The following SEMA3A variants were observed in gnomAD, a reference collection of about 807,000 sequenced individuals.
SEMA3A encodes the protein semaphorin 3A.
SEMA3A carries 29 observed loss-of-function variants against 97.9 expected under a neutral mutation model. The ratio of observed to expected loss-of-function variants is 0.30; its 90% CI spans 0.22 to 0.40. The LOEUF is 0.40. SEMA3A is among the 10% of genes least tolerant of loss of function. The probability of loss-of-function intolerance (pLI) is 1.00; values close to 1 mark genes in which losing one functional copy is unlikely to be tolerated. For missense variants in SEMA3A, 763 were observed against 951.3 expected (o/e 0.80, Z 2.60); for synonymous variants, 321 against 323.7 (o/e 0.99, Z 0.09).
chr7:84,458,675 T>C (rs551603158), intron 1 of SEMA3A, among the ~76,000 whole-genome samples: 5 of 152,090 alleles, frequency 3.3e-5, no homozygotes, highest in Non-Finnish European at 7.4e-5. Flanking sequence ...GAAATCATTA[T>C]TGCTTATTGA....
At chr7:84,244,346 C>T (rs759460314) in intron 3 of SEMA3A, among the ~76,000 whole-genome samples, 2 of 152,026 alleles carry the variant, frequency 1.3e-5, no homozygotes, top group South Asian at 4.2e-4. Flanking sequence ...CTATATAATG[C>T]CCGTCTTTGT....
intron 2 of SEMA3A, among the ~76,000 whole-genome samples, chr7:84,367,091 T>A (rs909752890): frequency 1.9e-4 from 29 of 151,368 alleles, no homozygotes; most frequent in African/African-American, 6.5e-4. Flanking sequence ...TGAATCTGAT[T>A]CATAGACAGT....
intron 2 of SEMA3A, among the ~76,000 whole-genome samples, chr7:84,313,518 T>A (rs1265833133): frequency 6.7e-6 from 1 of 150,342 alleles, no homozygotes; most frequent in African/African-American, 2.4e-5. Flanking sequence ...ATTCTAAAAT[T>A]ATTTGCAGTA....
intron 3 of SEMA3A, among the ~76,000 whole-genome samples, chr7:84,117,263 A>T (rs1321579815): frequency 6.6e-6 from 1 of 152,150 alleles, no homozygotes; most frequent in Non-Finnish European, 1.5e-5. Context: ...AAATTTATTT[A>T]TGTTTAGTGA....
chr7:84,062,677 C>T (rs988561290), intron 4 of SEMA3A, among the ~76,000 whole-genome samples: 3 of 152,268 alleles, frequency 2.0e-5, no homozygotes, highest in Non-Finnish European at 4.4e-5. Context: ...CTGGAAAATC[C>T]GGTCACTCCC....
chr7:84,313,356 GTATATATATATATATATATA>G lies in SEMA3A; in HGVS notation c.-168-6084_-168-6065del, dbSNP rs869145201. On this transcript the variant is annotated intron_variant, in intron 2 of 3. Transcript: ENST00000424555. ...TATATATATATGTATATGTGTGTGT[GTATATATATATATATATATA>G]TATATATATATATATATATATATAT... is the stretch of plus-strand genomic sequence containing the variant. Among the ~76,000 whole-genome samples the G allele has an allele frequency of 3.5e-3, 80 of 23,048 alleles. 1 individual carries two copies. Among genetic ancestry groups the G allele is most frequent in the East Asian group, 0.023 (12 of 514 alleles). The allele number at this position is 23,048 out of a possible 152,430, so 15.1% of individuals were successfully genotyped here.
intron 3 of SEMA3A, among the ~76,000 whole-genome samples, chr7:84,255,414 C>T (rs1031720752): frequency 1.3e-5 from 2 of 152,062 alleles, no homozygotes; most frequent in Non-Finnish European, 2.9e-5. Context: ...TCTTTCATAG[C>T]CAGACTTCTT....
chr7:84,202,745 G>A (rs375608093), intron 3 of SEMA3A, among the ~76,000 whole-genome samples: 3 of 151,994 alleles, frequency 2.0e-5, no homozygotes, highest in Admixed American at 6.5e-5. Flanking sequence ...ATGTTTAGGC[G>A]CCAGTCTTTG....
intron 4 of SEMA3A, among the ~76,000 whole-genome samples, chr7:84,084,758 C>CT (rs1361362513): frequency 6.6e-6 from 1 of 151,994 alleles, no homozygotes; most frequent in African/African-American, 2.4e-5. Flanking sequence ...ACGCAAAGCA[C>CT]TTTTTTATAG....
chr7:83,964,630 A>G (rs961435986), intron 15 of SEMA3A, among the ~76,000 whole-genome samples: 1 of 152,204 alleles, frequency 6.6e-6, no homozygotes, highest in Non-Finnish European at 1.5e-5. Flanking sequence ...CAGAGGTGTC[A>G]ACCTCAGTGC....
At chr7:84,457,539 A>G (rs959025754) in intron 1 of SEMA3A, among the ~76,000 whole-genome samples, 4 of 151,978 alleles carry the variant, frequency 2.6e-5, no homozygotes, top group Non-Finnish European at 5.9e-5. Context: ...AATTGAATTG[A>G]TGTTTTGGCC....
rs181114931 is a variant in SEMA3A at position 84,325,354 on chromosome 7, A to G, written c.-168-18062T>C. Among the ~76,000 whole-genome samples, 10 of 152,222 alleles carry G rather than the reference A, an allele frequency of 6.6e-5. No homozygotes were observed. In the East Asian group the frequency reaches 1.4e-3, roughly 21 times the overall value. ...ATACTACCGAAGTGAGGCAAAAAAG[A>G]GAGTGATGAGTGGTGCTGTTTTAGA... On this transcript the variant is annotated intron_variant, in intron 2 of 3. Transcript: ENST00000424555.
intron 3 of SEMA3A, among the ~76,000 whole-genome samples, chr7:84,291,670 C>T (rs1308530571): frequency 6.6e-6 from 1 of 152,006 alleles, no homozygotes; most frequent in South Asian, 2.1e-4. Flanking sequence ...AAGGGCCATC[C>T]AGAAATATAA....
intron 5 of SEMA3A, 29 bp downstream of exon 5, chr7:84,060,432 AACTC>A (rs1793167602): frequency 3.0e-6 from 4 of 1,342,222 alleles, no homozygotes; most frequent in Non-Finnish European, 4.1e-6. Flanking sequence ...ATTTATAGAA[AACTC>A]ACTATTTAAT....
At chr7:84,429,550 C>CTATATATATATA (rs1804922369) in intron 1 of SEMA3A, among the ~76,000 whole-genome samples, 1 of 58,618 alleles carries the variant, frequency 1.7e-5, no homozygotes, top group African/African-American at 8.7e-5. Flanking sequence ...ATATATATAG[C>CTATATATATATA]GAGAGAGAGA....
chr7:84,455,573 T>C (rs1325120959), intron 1 of SEMA3A, among the ~76,000 whole-genome samples: 1 of 151,978 alleles, frequency 6.6e-6, no homozygotes, highest in Admixed American at 6.6e-5. Context: ...TATCAACAGT[T>C]GGCAAACTCA....
chr7:84,246,336 A>C (rs1394047096), intron 3 of SEMA3A, among the ~76,000 whole-genome samples: 1 of 152,210 alleles, frequency 6.6e-6, no homozygotes, highest in Non-Finnish European at 1.5e-5. Context: ...CAAGCATAAA[A>C]CCAATGGAAA....
chr7:84,192,161 C>A (rs1798064411), intron 1 of SEMA3A, among the ~76,000 whole-genome samples: 1 of 151,782 alleles, frequency 6.6e-6, no homozygotes, highest in African/African-American at 2.4e-5. Flanking sequence ...TTTTTAAGGG[C>A]AATGCAGTGG....
At chr7:83,990,980 C>T (rs978020665) in intron 12 of SEMA3A, among the ~76,000 whole-genome samples, 8 of 152,034 alleles carry the variant, frequency 5.3e-5, no homozygotes, top group Non-Finnish European at 1.2e-4. Context: ...TTGTTTGTAT[C>T]CTCTTTTATT....
Sources: allele counts gnomAD v4.1 joint callset (sites outside exome capture counted in the v4.1 genomes callset), GRCh38; gene constraint gnomAD v4.1.1; transcripts MANE v1.5; gene names NCBI Gene and HGNC (gene_info 2026-07-23, HGNC 2026-07-21).